Variants in CDH11 observed in about 807,000 individuals in gnomAD.
CDH11 encodes the protein cadherin-11.
CDH11 carries 11 observed loss-of-function variants against 67.8 expected under a neutral mutation model. The observed-to-expected ratio is 0.16, with a 90% CI of 0.10 to 0.27. The LOEUF (loss-of-function observed/expected upper bound fraction) is 0.27. Among genes scored for constraint, CDH11 ranks in the 10% least tolerant of loss-of-function variants. The pLI is 1.00. For synonymous variants in CDH11, 419 were observed against 400.0 expected, an observed-to-expected ratio of 1.05 and a Z score of -0.57; for missense variants, 847 against 1,031.2, an observed-to-expected ratio of 0.82 and a Z score of 2.45.
At chr16:65,062,685 A>ACTC (rs539362798) in intron 1 of CDH11, among the ~76,000 whole-genome samples, 1 of 152,128 alleles carries the variant, frequency 6.6e-6, no homozygotes, top group Non-Finnish European at 1.5e-5. Flanking sequence ...TTGTCTATAA[A>ACTC]CTCCACAGGG....
At chr16:65,036,679 A>T (rs916588912) in intron 2 of CDH11, among the ~76,000 whole-genome samples, 1 of 152,090 alleles carries the variant, frequency 6.6e-6, no homozygotes, top group Non-Finnish European at 1.5e-5. Context: ...ACTAAGACAG[A>T]CCTATTGCCA....
At chr16:65,086,958 C>T (rs186108973) in intron 1 of CDH11, among the ~76,000 whole-genome samples, 125 of 152,204 alleles carry the variant, frequency 8.2e-4, no homozygotes, top group Non-Finnish European at 1.4e-3. Context: ...TTCATGGAAA[C>T]ATCTACGTCA....
intron 2 of CDH11, among the ~76,000 whole-genome samples, chr16:65,032,005 C>T (rs1171300251): frequency 6.6e-6 from 1 of 151,972 alleles, no homozygotes; most frequent in African/African-American, 2.4e-5. Flanking sequence ...CAAGGATGTG[C>T]GATTGTTGTG....
chr16:65,074,537 G>A (rs2074475047), intron 1 of CDH11, among the ~76,000 whole-genome samples: 1 of 152,054 alleles, frequency 6.6e-6, no homozygotes, highest in South Asian at 2.1e-4. Flanking sequence ...TGTGAACAAT[G>A]GCATGACTTT....
In CDH11 at chr16:65,091,554, CT is replaced by C. The variant is rs571736697; in HGVS notation, c.-298+30325del. Among the ~76,000 whole-genome samples, 251 of 136,244 alleles carry C rather than the reference CT, an allele frequency of 1.8e-3. 1 individual carries two copies. Among genetic ancestry groups the C allele is most frequent in the South Asian group, 4.8e-3 (20 of 4,202 alleles). The allele number at this position is 136,244 out of a possible 152,430, so 89.4% of individuals were successfully genotyped here. Reference sequence around the variant, plus strand: ...CTTTCCTCTATAGATTAGGCCTTTCCTTTTTTTTTTTTTTTGAGACGGAGTC... The same window carrying C: ...CTTTCCTCTATAGATTAGGCCTTTCCTTTTTTTTTTTTTTGAGACGGAGTC... On this transcript the variant is annotated intron_variant, in intron 1 of 12. Coordinates refer to ENST00000268603, the MANE Select transcript of CDH11 (RefSeq NM_001797.4).
intron 1 of CDH11, among the ~76,000 whole-genome samples, chr16:65,065,739 G>A (rs531050505): frequency 3.0e-4 from 45 of 152,330 alleles, no homozygotes; most frequent in African/African-American, 1.0e-3. Flanking sequence ...TCTGCCAGAA[G>A]GACCTGAGAG....
At chr16:65,018,308 G>A (rs2073353114) in intron 2 of CDH11, among the ~76,000 whole-genome samples, 2 of 152,124 alleles carry the variant, frequency 1.3e-5, no homozygotes, top group African/African-American at 2.4e-5. Flanking sequence ...GGCTCTATAA[G>A]TCAACTTTGA....
At chr16:65,105,376 G>A (rs2075051107) in intron 1 of CDH11, among the ~76,000 whole-genome samples, 1 of 152,112 alleles carries the variant, frequency 6.6e-6, no homozygotes, top group Non-Finnish European at 1.5e-5. Flanking sequence ...CCCAGGGGGA[G>A]CACTTGGATC....
At chr16:64,959,465 AAGCTAACT>A (rs1167332936) in intron 11 of CDH11, among the ~76,000 whole-genome samples, 3 of 152,174 alleles carry the variant, frequency 2.0e-5, no homozygotes, top group African/African-American at 7.2e-5. Context: ...TAGGGTCTTT[AAGCTAACT>A]AGTTAAGTCA....
intron 7 of CDH11, chr16:64,983,156 G>T (rs1213946164): frequency 7.1e-6 from 1 of 140,256 alleles, no homozygotes; most frequent in Non-Finnish European, 1.6e-5. Context: ...AAAAAAAAAA[G>T]AATGCATATA....
chr16:64,968,111 A>T (rs1392217369), intron 11 of CDH11, among the ~76,000 whole-genome samples: 1 of 152,144 alleles, frequency 6.6e-6, no homozygotes, highest in Non-Finnish European at 1.5e-5. Flanking sequence ...TGTACAACCA[A>T]CAGGGCCCTC....
At chr16:64,995,755 T>G (rs1213562814) in intron 4 of CDH11, among the ~76,000 whole-genome samples, 1 of 152,146 alleles carries the variant, frequency 6.6e-6, no homozygotes, top group African/African-American at 2.4e-5. Flanking sequence ...AGGACCTAAT[T>G]ACACTAAAGA....
intron 1 of CDH11, among the ~76,000 whole-genome samples, chr16:65,099,402 C>A (rs2074952760): frequency 6.6e-6 from 1 of 152,128 alleles, no homozygotes; most frequent in Admixed American, 6.6e-5. Flanking sequence ...AAACACAGGA[C>A]CCCAGCTGTG....
chr16:64,996,486 T>C (rs1025108163), intron 4 of CDH11, among the ~76,000 whole-genome samples: 17 of 87,114 alleles, frequency 2.0e-4, no homozygotes, highest in Admixed American at 6.7e-4. Flanking sequence ...CGAGACTCTG[T>C]CTCAGAAAAA....
In CDH11 at chr16:64,972,081, C is replaced by A. The variant is rs749227549; in HGVS notation, c.1391-17G>T. 7 of 1,612,352 alleles carry A rather than the reference C, an allele frequency of 4.3e-6. No individual in the cohort carries two copies. The Admixed American group carries it at 1.2e-4, about 27-fold the overall frequency. On this transcript the variant is annotated splice_polypyrimidine_tract_variant and intron_variant, in intron 9 of 12. Coordinates refer to ENST00000268603, the MANE Select transcript of CDH11 (RefSeq NM_001797.4). ...GCCGATTGTCTGGGAAGACAGAATG[C>A]AGACAGTCAAGAAAGGTCAAGGAGA...
intron 2 of CDH11, among the ~76,000 whole-genome samples, chr16:65,030,027 G>A (rs141439012): frequency 2.2e-3 from 338 of 152,232 alleles, no homozygotes; most frequent in Non-Finnish European, 3.5e-3. Context: ...TTTTCAAAAG[G>A]CACTTTGTGC....
At chr16:65,077,329 C>T (rs1216032726) in intron 1 of CDH11, among the ~76,000 whole-genome samples, 1 of 152,190 alleles carries the variant, frequency 6.6e-6, no homozygotes, top group Non-Finnish European at 1.5e-5. Context: ...GATAATAGTG[C>T]TCTGAGCCTG....
intron 2 of CDH11, among the ~76,000 whole-genome samples, chr16:65,046,379 C>T (rs1338339713): frequency 6.6e-6 from 1 of 152,294 alleles, no homozygotes; most frequent in East Asian, 1.9e-4. Flanking sequence ...AAAATCCTTT[C>T]CCAAAGATCA....
chr16:65,110,323 T>C (rs1175977493), intron 1 of CDH11, among the ~76,000 whole-genome samples: 1 of 152,038 alleles, frequency 6.6e-6, no homozygotes, highest in Non-Finnish European at 1.5e-5. Context: ...CACAAGGATA[T>C]GTAGGGAAAT....
Sources: gnomAD v4.1 joint callset for allele counts (sites outside exome capture counted in the v4.1 genomes callset) on GRCh38, gnomAD v4.1.1 for gene constraint, MANE v1.5 for transcripts, NCBI Gene and HGNC (gene_info 2026-07-23, HGNC 2026-07-21) for gene names.